ADAM32: variants seen among roughly 807,000 people sequenced by gnomAD.
The protein encoded by ADAM32 is disintegrin and metalloproteinase domain-containing protein 32.
A neutral mutation model predicts 114.9 loss-of-function variants in ADAM32; 89 were observed. The ratio of observed to expected loss-of-function variants is 0.77; its 90% CI spans 0.65 to 0.92. ADAM32 has a LOEUF of 0.92. Among genes scored for constraint, ADAM32 ranks in the 40% least tolerant of loss-of-function variants. The pLI is 0.00. For synonymous variants in ADAM32, 285 were observed against 307.5 expected, an observed-to-expected ratio of 0.93 and a Z score of 0.77; for missense variants, 870 against 932.8, an observed-to-expected ratio of 0.93 and a Z score of 0.88.
At chr8:39,125,082 G>T (rs1392117912) in intron 2 of ADAM32, among the ~76,000 whole-genome samples, 1 of 152,032 alleles carries the variant, frequency 6.6e-6, no homozygotes, top group South Asian at 2.1e-4. Flanking sequence ...TTTGATTTGC[G>T]TATCTCAAAT....
intron 11 of ADAM32, among the ~76,000 whole-genome samples, chr8:39,194,427 GA>G (rs1160719100): frequency 6.6e-6 from 1 of 152,114 alleles, no homozygotes; most frequent in Non-Finnish European, 1.5e-5. Context: ...AACTGACGGG[GA>G]AGGGGAGGCA....
chr8:39,258,391 TCC>T (rs1178416321), intron 19 of ADAM32, among the ~76,000 whole-genome samples: 1 of 124,938 alleles, frequency 8.0e-6, no homozygotes, highest in African/African-American at 4.3e-5. Flanking sequence ...AAAAACCTTC[TCC>T]TTAACATATA....
At chr8:39,134,360 G>C (rs775042742) in intron 2 of ADAM32, among the ~76,000 whole-genome samples, 3 of 152,080 alleles carry the variant, frequency 2.0e-5, no homozygotes, top group Non-Finnish European at 4.4e-5. Flanking sequence ...CCTGTGGCTT[G>C]TATTGCAGAG....
chr8:39,116,311 G>A (rs1237133436), intron 1 of ADAM32, among the ~76,000 whole-genome samples: 3 of 152,182 alleles, frequency 2.0e-5, no homozygotes, highest in East Asian at 3.9e-4. Context: ...CACTGAATCT[G>A]TAAATTGCTT....
At chr8:39,207,412 T>C (rs1308294104) in intron 11 of ADAM32, among the ~76,000 whole-genome samples, 2 of 152,220 alleles carry the variant, frequency 1.3e-5, no homozygotes, top group African/African-American at 4.8e-5. Flanking sequence ...TATTCATACA[T>C]TTTAAAAATT....
In ADAM32 at chr8:39,244,816, G is replaced by A. The variant is rs568492605; in HGVS notation, c.1819-1267G>A. On this transcript the variant is annotated intron_variant, in intron 16 of 24. Coordinates refer to ENST00000379907, the MANE Select transcript of ADAM32 (RefSeq NM_145004.7). ...GTATACATATGTAACAAACCTGCAC[G>A]TTGTGCACATGTATCCTAAAACTTA... is the stretch of plus-strand genomic sequence containing the variant. Among the ~76,000 whole-genome samples, 32 of 152,104 alleles carry A rather than the reference G, an allele frequency of 2.1e-4. No individual in the cohort carries two copies. The South Asian group carries it at 6.0e-3, about 29-fold the overall frequency.
intron 14 of ADAM32, among the ~76,000 whole-genome samples, chr8:39,224,652 C>T (rs1048914265): frequency 6.6e-6 from 1 of 151,190 alleles, no homozygotes; most frequent in Non-Finnish European, 1.5e-5. Context: ...GAAATGAATT[C>T]CTTATTATAT....
At chr8:39,153,924 A>G (rs999489862) in intron 6 of ADAM32, among the ~76,000 whole-genome samples, 2 of 151,948 alleles carry the variant, frequency 1.3e-5, no homozygotes, top group Non-Finnish European at 2.9e-5. Flanking sequence ...GGAAAGTGGC[A>G]TGATCTGGAA....
At chr8:39,176,383 G>C (rs1805534728) in intron 10 of ADAM32, among the ~76,000 whole-genome samples, 1 of 152,106 alleles carries the variant, frequency 6.6e-6, no homozygotes, top group Admixed American at 6.5e-5. Context: ...CCGGTACGTT[G>C]TCTCTTTGTT....
chr8:39,232,997 A>T (rs7817462), intron 15 of ADAM32, among the ~76,000 whole-genome samples: 5,809 of 152,220 alleles, frequency 0.038, 385 homozygotes, highest in African/African-American at 0.13. Context: ...GGGTGATATA[A>T]AATGCTGTAG....
chr8:39,126,635 C>T (rs10958535), intron 2 of ADAM32, among the ~76,000 whole-genome samples: 42,995 of 152,032 alleles, frequency 0.28, 6,133 homozygotes, highest in Middle Eastern at 0.35. Context: ...AGTTTGACTT[C>T]CTTTCTTCCT....
Position 39,235,571 on chromosome 8 carries a change from A to T in ADAM32, c.1818+1489A>T, listed in dbSNP as rs189958660. Reference sequence around the variant, plus strand: ...TTTGAGATGATTTGATAAGTAATTTAATAAGAATATAATCTTTTTAATAAC... The same window carrying T: ...TTTGAGATGATTTGATAAGTAATTTTATAAGAATATAATCTTTTTAATAAC... On this transcript the variant is annotated intron_variant, in intron 16 of 24. Coordinates refer to ENST00000379907, the MANE Select transcript of ADAM32 (RefSeq NM_145004.7). Among the ~76,000 whole-genome samples, 183 of 152,336 alleles carry T rather than the reference A, an allele frequency of 1.2e-3. No individual in the cohort carries two copies. The East Asian group carries it at 0.024, about 20-fold the overall frequency.
chr8:39,186,631 T>G (rs1317925967), intron 10 of ADAM32, among the ~76,000 whole-genome samples: 2 of 152,176 alleles, frequency 1.3e-5, no homozygotes, highest in Non-Finnish European at 2.9e-5. Context: ...TAGATTTTCT[T>G]TATCAAAACA....
intron 20 of ADAM32, among the ~76,000 whole-genome samples, chr8:39,271,522 AGGT>A: frequency 7.0e-6 from 1 of 143,688 alleles, no homozygotes. Flanking sequence ...AAAGAAATAC[AGGT>A]AATTGAAAAA....
intron 12 of ADAM32, among the ~76,000 whole-genome samples, chr8:39,212,571 T>A: frequency 6.6e-6 from 1 of 152,348 alleles, no homozygotes; most frequent in African/African-American, 2.4e-5. Context: ...AGACAGCACA[T>A]ATTTTTTTAT....
intron 3 of ADAM32, among the ~76,000 whole-genome samples, chr8:39,137,351 T>C (rs900162714): frequency 6.6e-6 from 1 of 152,156 alleles, no homozygotes; most frequent in Non-Finnish European, 1.5e-5. Context: ...GTAGCAATTA[T>C]AGACTTTTTC....
intron 18 of ADAM32, 129 bp from the exon 19 acceptor site, chr8:39,257,058 A>G (rs1811689641): frequency 4.0e-6 from 4 of 999,622 alleles, no homozygotes; most frequent in Admixed American, 3.0e-5. Context: ...ACAATTCTAT[A>G]ATGATTTTTT....
At position 39,257,133 on chromosome 8, in the gene ADAM32, A is replaced by C. The variant is rs1811695835; in HGVS notation, c.2006-54A>C. On this transcript the variant is annotated intron_variant, in intron 18 of 24. Transcript: ENST00000379907. ...AATGAATGTGTTGCAACTTGAAAGT[A>C]AAAGTAGATAGTTTAATTTTTTTGT... The C allele has an allele frequency of 4.1e-6, 6 of 1,451,676 alleles. No homozygotes were observed. The East Asian group carries it at 1.5e-4, about 36-fold the overall frequency. The allele number at this position is 1,451,676 out of a possible 1,614,324, so 89.9% of individuals were successfully genotyped here.
intron 22 of ADAM32, 146 bp from the exon 23 acceptor site, chr8:39,280,990 G>T (rs1031552752): frequency 4.7e-6 from 1 of 212,060 alleles, no homozygotes; most frequent in Non-Finnish European, 9.7e-6. Context: ...CATCGTATTA[G>T]CCAGGATGGT....
Sources: allele counts gnomAD v4.1 joint callset (sites outside exome capture counted in the v4.1 genomes callset), GRCh38; gene constraint gnomAD v4.1.1; transcripts MANE v1.5; gene names NCBI Gene and HGNC (gene_info 2026-07-23, HGNC 2026-07-21).